PDZRN4: variants seen among roughly 807,000 people sequenced by gnomAD.
PDZRN4 encodes the protein PDZ domain containing ring finger 4.
PDZRN4 carries 70 observed loss-of-function variants against 99.0 expected under a neutral mutation model. That is an observed-to-expected ratio of 0.71 (90% CI 0.58 to 0.86). The LOEUF is 0.86. Among genes scored for constraint, PDZRN4 ranks in the 40% least tolerant of loss-of-function variants. The pLI is 0.00. For missense variants in PDZRN4, 1,474 were observed against 1,331.2 expected (o/e 1.11, Z -1.67); for synonymous variants, 551 against 501.6 (o/e 1.10, Z -1.32).
At position 41,189,005 on chromosome 12, in the gene PDZRN4, G is replaced by A; in HGVS notation, c.550G>A (p.Glu184Lys). 2.6e-6 allele frequency: 4 copies of A among 1,548,896 alleles called. No individual in the cohort carries two copies. Among genetic ancestry groups the A allele is most frequent in the South Asian group, 1.2e-5 (1 of 84,950 alleles). Residue 184 changes from glutamate (E) to lysine (K), a missense_variant, in exon 1 of 10, where the codon GAG becomes AAG. Transcript: ENST00000402685. ...GGCGCAGCTCTGGGCGCTGCAGGGC[G>A]AGGTGCAGCTCACGGCGCGCAGGTA... ...LLAQLWALQGEVQLTARRYQE... is the reference protein window; with the variant it reads ...LLAQLWALQGKVQLTARRYQE...
intron 3 of PDZRN4, among the ~76,000 whole-genome samples, chr12:41,313,899 T>G (rs998471531): frequency 1.3e-5 from 2 of 152,212 alleles, no homozygotes; most frequent in African/African-American, 4.8e-5. Context: ...AAGAGAAAAT[T>G]GTTGAATGCT....
intron 5 of PDZRN4, among the ~76,000 whole-genome samples, chr12:41,522,137 T>G (rs1938503272): frequency 6.6e-6 from 1 of 152,112 alleles, no homozygotes; most frequent in Non-Finnish European, 1.5e-5. Flanking sequence ...TAAATATGCT[T>G]TAAGAGCATG....
At chr12:41,297,216 C>A (rs536877116) in intron 3 of PDZRN4, among the ~76,000 whole-genome samples, 1 of 151,766 alleles carries the variant, frequency 6.6e-6, no homozygotes, top group Non-Finnish European at 1.5e-5. Flanking sequence ...GTATAACAAA[C>A]CAAAATATAT....
intron 3 of PDZRN4, among the ~76,000 whole-genome samples, chr12:41,470,121 C>T (rs1199039991): frequency 6.6e-6 from 1 of 152,042 alleles, no homozygotes; most frequent in Non-Finnish European, 1.5e-5. Context: ...ATTTCTGGGT[C>T]TCTACTCTGT....
intron 5 of PDZRN4, among the ~76,000 whole-genome samples, chr12:41,532,142 T>G (rs1310650917): frequency 6.6e-6 from 1 of 152,198 alleles, no homozygotes. Context: ...TTTTCTGATA[T>G]GTACAACATA....
At chr12:41,467,613 C>T (rs187706591) in intron 3 of PDZRN4, among the ~76,000 whole-genome samples, 1 of 152,292 alleles carries the variant, frequency 6.6e-6, no homozygotes, top group East Asian at 1.9e-4. Context: ...TTGCCCAGAA[C>T]ACAGCAGTGT....
At chr12:41,300,122 G>C (rs1951524324) in intron 3 of PDZRN4, among the ~76,000 whole-genome samples, 1 of 151,742 alleles carries the variant, frequency 6.6e-6, no homozygotes, top group South Asian at 2.1e-4. Flanking sequence ...ATATATTACT[G>C]ATAAGTACAT....
chr12:41,250,515 C>G (rs79086361), intron 3 of PDZRN4, among the ~76,000 whole-genome samples: 1,755 of 152,256 alleles, frequency 0.012, 52 homozygotes, highest in East Asian at 0.1. Context: ...ATGATGCCAG[C>G]CTTTTAGTCC....
intron 3 of PDZRN4, among the ~76,000 whole-genome samples, chr12:41,349,754 A>T (rs1001067191): frequency 1.3e-5 from 2 of 152,006 alleles, no homozygotes; most frequent in Non-Finnish European, 2.9e-5. Flanking sequence ...TTATGTATTA[A>T]ATACATAATT....
intron 3 of PDZRN4, among the ~76,000 whole-genome samples, chr12:41,237,713 A>G (rs1951076413): frequency 6.6e-6 from 1 of 152,170 alleles, no homozygotes; most frequent in Non-Finnish European, 1.5e-5. Flanking sequence ...AGCACCATTA[A>G]TTAAATGGGG....
rs567953663 is a variant in PDZRN4 at position 41,376,992 on chromosome 12, C to T, written c.844-129464C>T. Reference sequence around the variant, plus strand: ...CCATTTGTTGAAGAGACTCTCCTTTCCCCATTGTGTATTCTTGGCACTTTT... The same window carrying T: ...CCATTTGTTGAAGAGACTCTCCTTTTCCCATTGTGTATTCTTGGCACTTTT... On this transcript the variant is annotated intron_variant, in intron 3 of 9. Coordinates refer to ENST00000402685, the MANE Select transcript of PDZRN4 (RefSeq NM_001164595.2). Among the ~76,000 whole-genome samples the T allele has an allele frequency of 1.2e-4, 18 of 152,274 alleles. No individual in the cohort carries two copies. In the South Asian group the frequency reaches 2.5e-3, roughly 21 times the overall value.
chr12:41,400,654 CAACTCCATAA>C (rs1952282996), intron 3 of PDZRN4, among the ~76,000 whole-genome samples: 1 of 152,062 alleles, frequency 6.6e-6, no homozygotes, highest in Admixed American at 6.6e-5. Context: ...CAGGGGAAGA[CAACTCCATAA>C]AACTGCCCTA....
At chr12:41,317,345 T>A (rs1393846893) in intron 3 of PDZRN4, among the ~76,000 whole-genome samples, 2 of 151,876 alleles carry the variant, frequency 1.3e-5, no homozygotes, top group Non-Finnish European at 2.9e-5. Context: ...AAGGTAGAGT[T>A]GTGTCTTCCT....
rs142484144 is a variant in PDZRN4, at chr12:41,256,912, C to T, written c.843+62724C>T. ...CATCTCTCCATATTTATTGCTTATA[C>T]GTATCACCATATTTCATTGTTATAC... is the stretch of plus-strand genomic sequence containing the variant. On this transcript the variant is annotated intron_variant, in intron 3 of 9. Transcript: ENST00000402685. Among the ~76,000 whole-genome samples the T allele has an allele frequency of 1.7e-3, 258 of 152,286 alleles. 1 individual carries two copies. The highest frequency in any genetic ancestry group is 5.7e-3 in the African/African-American group (238 of 41,568).
intron 3 of PDZRN4, among the ~76,000 whole-genome samples, chr12:41,308,535 A>G (rs1171677771): frequency 3.3e-5 from 5 of 152,226 alleles, no homozygotes; most frequent in Admixed American, 3.3e-4. Context: ...AAGCAATACC[A>G]AAGATGAAAT....
chr12:41,209,842 A>G (rs1013877236), intron 3 of PDZRN4, among the ~76,000 whole-genome samples: 13 of 149,946 alleles, frequency 8.7e-5, no homozygotes, highest in Non-Finnish European at 1.9e-4. Context: ...CATGATTTAT[A>G]GTCCTTTGGG....
At chr12:41,244,707 T>A (rs1951122933) in intron 3 of PDZRN4, among the ~76,000 whole-genome samples, 1 of 141,842 alleles carries the variant, frequency 7.1e-6, no homozygotes, top group Admixed American at 7.3e-5. Flanking sequence ...AGACGGAGTC[T>A]CGCTCTGTCG....
At chr12:41,244,833 C>T (rs926592616) in intron 3 of PDZRN4, among the ~76,000 whole-genome samples, 3 of 144,530 alleles carry the variant, frequency 2.1e-5, no homozygotes, top group South Asian at 2.3e-4. Flanking sequence ...TACAGGCGCC[C>T]GCCACCGCGC....
At chr12:41,507,211 C>G (rs1938223235) in intron 4 of PDZRN4, among the ~76,000 whole-genome samples, 1 of 152,098 alleles carries the variant, frequency 6.6e-6, no homozygotes, top group Middle Eastern at 3.4e-3. Flanking sequence ...AAGCACTTAC[C>G]CAATATATTG....
Sources: allele counts gnomAD v4.1 joint callset (sites outside exome capture counted in the v4.1 genomes callset), GRCh38; gene constraint gnomAD v4.1.1; transcripts MANE v1.5; gene names NCBI Gene and HGNC (gene_info 2026-07-23, HGNC 2026-07-21).